Variants in EP300 observed in about 807,000 individuals in gnomAD.
EP300 encodes the protein EP300 lysine acetyltransferase.
Under a neutral mutation model 264.0 loss-of-function variants are expected in EP300, and 31 were observed. That is an observed-to-expected ratio of 0.12 (90% CI 0.09 to 0.16). The LOEUF is 0.16. Among genes scored for constraint, EP300 ranks in the 10% least tolerant of loss-of-function variants. EP300 has a pLI of 1.00. For synonymous variants in EP300, 1,340 were observed against 1,045.4 expected, an observed-to-expected ratio of 1.28 and a Z score of -5.44; for missense variants, 2,766 against 3,052.9, an observed-to-expected ratio of 0.91 and a Z score of 2.21.
intron 1 of EP300, among the ~76,000 whole-genome samples, chr22:41,095,924 A>G (rs1473441305): frequency 6.6e-6 from 1 of 152,192 alleles, no homozygotes; most frequent in Non-Finnish European, 1.5e-5. Context: ...TCAACCTCTG[A>G]ATTGCTGTTT....
chr22:41,122,683 T>A (rs1456280978), intron 2 of EP300, among the ~76,000 whole-genome samples: 1 of 152,134 alleles, frequency 6.6e-6, no homozygotes, highest in Admixed American at 6.6e-5. Context: ...TTGTTTTTTT[T>A]AATAGAGGCA....
At chr22:41,105,198 G>GGAAAA (rs1569083994) in intron 1 of EP300, among the ~76,000 whole-genome samples, 2 of 60,938 alleles carry the variant, frequency 3.3e-5, no homozygotes, top group Admixed American at 3.7e-4. Flanking sequence ...CTCCATCTCA[G>GGAAAA]AAAAAAAAAA....
At chr22:41,173,383 A>G (rs186491768) in intron 28 of EP300, among the ~76,000 whole-genome samples, 4 of 152,356 alleles carry the variant, frequency 2.6e-5, no homozygotes, top group Non-Finnish European at 5.9e-5. Flanking sequence ...GGGTCTGCAC[A>G]TTCTGTGGCC....
chr22:41,132,867 T>C (rs376746848), intron 6 of EP300, among the ~76,000 whole-genome samples: 1 of 152,214 alleles, frequency 6.6e-6, no homozygotes, highest in East Asian at 1.9e-4. Context: ...TCTGATTGCA[T>C]ATGATAACAT....
chr22:41,150,081 A>G lies in EP300; in HGVS notation c.2700A>G (p.Ser900=). 6.2e-7 allele frequency: 1 copy of G among 1,613,716 alleles called. No individual in the cohort carries two copies. Among genetic ancestry groups the G allele is most frequent in the Non-Finnish European group, 8.5e-7 (1 of 1,180,026 alleles). Residue 900 remains serine (S), a synonymous_variant, in exon 14 of 31, where the codon TCA becomes TCG. Coordinates refer to ENST00000263253, the MANE Select transcript of EP300 (RefSeq NM_001429.4). ...TTQLPQQVQP[S]LPAAPSADQP... ...AACTTCCCCAACAAGTGCAGCCTTC[A>G]CTTCCTGCTGCACCTTCTGCTGACC... is the stretch of plus-strand genomic sequence containing the variant.
Position 41,127,394 on chromosome 22 carries a change from A to G in EP300, c.907-93A>G. 2.6e-6 allele frequency: 4 copies of G among 1,551,156 alleles called. No individual in the cohort carries two copies. The Admixed American group carries it at 6.7e-5, about 26-fold the overall frequency. ...GAGTCTGGCTTATAGTAGACTAACCATAAAGGTTTTCATTGAAAATATCCA... is the reference window on the plus strand; with the variant it reads ...GAGTCTGGCTTATAGTAGACTAACCGTAAAGGTTTTCATTGAAAATATCCA... On this transcript the variant is annotated intron_variant, in intron 3 of 30. Coordinates refer to ENST00000263253, the MANE Select transcript of EP300 (RefSeq NM_001429.4).
At chr22:41,128,262 C>T (rs1450070734) in intron 4 of EP300, among the ~76,000 whole-genome samples, 1 of 152,084 alleles carries the variant, frequency 6.6e-6, no homozygotes, top group Non-Finnish European at 1.5e-5. Context: ...CAAGACCAGC[C>T]TGGGCAATAT....
intron 22 of EP300, among the ~76,000 whole-genome samples, chr22:41,164,463 G>A (rs374081723): frequency 2.6e-5 from 4 of 152,114 alleles, no homozygotes; most frequent in African/African-American, 9.7e-5. Context: ...TGTAATCCCA[G>A]CACTTTGGGA....
Position 41,118,698 on chromosome 22 carries a change from G to T in EP300, c.729+877G>T, listed in dbSNP as rs140745259. 6.4e-3 allele frequency among the ~76,000 whole-genome samples: 973 copies of T among 152,226 alleles called. 7 individuals carry two copies. Among genetic ancestry groups the T allele is most frequent in the South Asian group, 0.01 (49 of 4,820 alleles). On this transcript the variant is annotated intron_variant, in intron 2 of 30. Transcript: ENST00000263253. ...ATCTTGGGTGCAGTGGCTCATGCCTGTAATCCCAGCACTTTGGGAGGCCAA... is the reference window on the plus strand; with the variant it reads ...ATCTTGGGTGCAGTGGCTCATGCCTTTAATCCCAGCACTTTGGGAGGCCAA...
chr22:41,141,058 A>G lies in EP300; in HGVS notation c.1889A>G (p.Tyr630Cys). 2 of 1,613,962 alleles carry G rather than the reference A, an allele frequency of 1.2e-6. No homozygotes were observed. The highest frequency in any genetic ancestry group is 1.7e-6 in the Non-Finnish European group (2 of 1,179,918). ...TCAACAATTCAAAAGGCGGAATACT[A>G]CCACCTTCTAGCTGAGAAAATCTAT... ...YESANNRAEY[Y>C]HLLAEKIYKI... The change falls in exon 10 of 31, where the codon TAC becomes TGC. Residue 630 changes from tyrosine to cysteine, a missense_variant. Coordinates refer to ENST00000263253, the MANE Select transcript of EP300 (RefSeq NM_001429.4).
At chr22:41,175,251 C>T (rs2059193557) in intron 29 of EP300, among the ~76,000 whole-genome samples, 1 of 135,296 alleles carries the variant, frequency 7.4e-6, no homozygotes, top group Non-Finnish European at 1.6e-5. Context: ...GTGACAGAAG[C>T]AGCGAACATT....
At chr22:41,100,901 T>C (rs192263944) in intron 1 of EP300, among the ~76,000 whole-genome samples, 3 of 152,188 alleles carry the variant, frequency 2.0e-5, no homozygotes, top group Non-Finnish European at 2.9e-5. Flanking sequence ...TCATATATAT[T>C]ATCATGTCAC....
At chr22:41,101,942 G>A (rs1449627132) in intron 1 of EP300, among the ~76,000 whole-genome samples, 3 of 151,958 alleles carry the variant, frequency 2.0e-5, no homozygotes, top group African/African-American at 7.3e-5. Flanking sequence ...TGTAGCACTA[G>A]AGACTCTGTT....
intron 11 of EP300, among the ~76,000 whole-genome samples, 156 bp from the exon 12 acceptor site, chr22:41,147,681 T>C (rs979015406): frequency 4.6e-5 from 7 of 151,376 alleles, no homozygotes; most frequent in Non-Finnish European, 1.0e-4. Flanking sequence ...GAGCTTGCAG[T>C]GAGCGGAGAT....
At position 41,094,220 on chromosome 22, in the gene EP300, C is replaced by T. The variant is rs151141740; in HGVS notation, c.94+1122C>T. On this transcript the variant is annotated intron_variant, in intron 1 of 30. Transcript: ENST00000263253. ...CATCTGACAGTCCACAAGATGTTCCCCTTTACTACGGAGCATCTCTTTAAC... is the reference window on the plus strand; with the variant it reads ...CATCTGACAGTCCACAAGATGTTCCTCTTTACTACGGAGCATCTCTTTAAC... 2.5e-3 allele frequency among the ~76,000 whole-genome samples: 384 copies of T among 152,234 alleles called. 1 individual carries two copies. The highest frequency in any genetic ancestry group is 3.8e-3 in the Non-Finnish European group (256 of 68,014).
At chr22:41,141,378 A>G (rs1188842126) in intron 10 of EP300, among the ~76,000 whole-genome samples, 156 bp downstream of exon 10, 4 of 152,256 alleles carry the variant, frequency 2.6e-5, no homozygotes, top group Admixed American at 2.0e-4. Context: ...ACTAGTAAAA[A>G]CAGAAGCAGA....
chr22:41,154,931 A>C, intron 16 of EP300, 64 bp from the exon 17 acceptor site: 1 of 1,101,452 alleles, frequency 9.1e-7, no homozygotes, highest in Non-Finnish European at 1.4e-6. Context: ...TTCAGGCTGA[A>C]TGATTTTTTA....
In EP300 at chr22:41,119,661, G is replaced by A. The variant is rs1023246278; in HGVS notation, c.729+1840G>A. ...AAAGGCTCATTGACATCTGCTTGGGGGTGTGGGACTATTATGGTTATAATC... is the reference window on the plus strand; with the variant it reads ...AAAGGCTCATTGACATCTGCTTGGGAGTGTGGGACTATTATGGTTATAATC... On this transcript the variant is annotated intron_variant, in intron 2 of 30. Coordinates refer to ENST00000263253, the MANE Select transcript of EP300 (RefSeq NM_001429.4). 3.3e-5 allele frequency among the ~76,000 whole-genome samples: 5 copies of A among 152,106 alleles called. No individual in the cohort carries two copies. In the South Asian group the frequency reaches 8.3e-4, roughly 25 times the overall value.
In EP300 at chr22:41,178,743, A is replaced by G; in HGVS notation, c.7032A>G (p.Thr2344=). 1.2e-6 allele frequency: 2 copies of G among 1,613,990 alleles called. No individual in the cohort carries two copies. The highest frequency in any genetic ancestry group is 1.1e-5 in the South Asian group (1 of 91,072). ...QPSPHHVSPQ[T]SSPHPGLVAA... ...CTCCACACCACGTTTCCCCACAGAC[A>G]AGTTCCCCACATCCTGGACTGGTAG... The change falls in exon 31 of 31, where the codon ACA becomes ACG. Residue 2344 remains threonine (T), a synonymous_variant. Coordinates refer to ENST00000263253, the MANE Select transcript of EP300 (RefSeq NM_001429.4).
Sources: gnomAD v4.1 joint callset for allele counts (sites outside exome capture counted in the v4.1 genomes callset) on GRCh38, gnomAD v4.1.1 for gene constraint, MANE v1.5 for transcripts, NCBI Gene and HGNC (gene_info 2026-07-23, HGNC 2026-07-21) for gene names.